Variants in PEX5L observed in about 807,000 individuals in gnomAD.
PEX5L encodes the protein PEX5-related protein.
PEX5L carries 30 observed loss-of-function variants against 84.0 expected under a neutral mutation model. The ratio of observed to expected loss-of-function variants is 0.36; its 90% CI spans 0.27 to 0.48. PEX5L has a LOEUF of 0.48. PEX5L is among the 20% of genes least tolerant of loss of function. PEX5L has a pLI of 0.99. For synonymous variants in PEX5L, 270 were observed against 283.1 expected, an observed-to-expected ratio of 0.95 and a Z score of 0.46; for missense variants, 533 against 754.6, an observed-to-expected ratio of 0.71 and a Z score of 3.44.
chr3:179,904,610 A>G (rs80296242), intron 2 of PEX5L, among the ~76,000 whole-genome samples: 4,009 of 152,228 alleles, frequency 0.026, 82 homozygotes, highest in Non-Finnish European at 0.039. Flanking sequence ...ATCATATTCT[A>G]TTACTACATT....
intron 1 of PEX5L, among the ~76,000 whole-genome samples, chr3:179,997,143 C>T (rs781473959): frequency 6.6e-6 from 1 of 152,148 alleles, no homozygotes; most frequent in Non-Finnish European, 1.5e-5. Context: ...TAATCTTTCT[C>T]CTATCCTTCC....
intron 2 of PEX5L, among the ~76,000 whole-genome samples, chr3:179,958,471 C>A (rs1162872502): frequency 6.6e-6 from 1 of 152,128 alleles, no homozygotes; most frequent in Non-Finnish European, 1.5e-5. Flanking sequence ...GAGTAATATA[C>A]AAAAAGTCTT....
At chr3:179,901,157 A>C (rs1331027591) in intron 2 of PEX5L, among the ~76,000 whole-genome samples, 2 of 152,186 alleles carry the variant, frequency 1.3e-5, no homozygotes, top group African/African-American at 4.8e-5. Context: ...ATAACTGTGC[A>C]GGTTTCTTTC....
chr3:179,979,288 T>C (rs1280389421), intron 1 of PEX5L, among the ~76,000 whole-genome samples: 1 of 152,128 alleles, frequency 6.6e-6, no homozygotes, highest in Non-Finnish European at 1.5e-5. Context: ...AAACAGAAAA[T>C]TGAGTCCAGT....
chr3:179,990,571 A>T lies in PEX5L; in HGVS notation c.22-18906T>A, dbSNP rs187953408. Among the ~76,000 whole-genome samples, 435 of 152,084 alleles carry T rather than the reference A, an allele frequency of 2.9e-3. 4 individuals are homozygous for T. Among genetic ancestry groups the T allele is most frequent in the African/African-American group, 9.6e-3 (399 of 41,498 alleles). ...ACAGCACCACACCAAACTATTTTTT[A>T]AAAAAATATTTTGTAGAGATAAGGT... On this transcript the variant is annotated intron_variant, in intron 1 of 14. Coordinates refer to ENST00000467460, the MANE Select transcript of PEX5L (RefSeq NM_016559.3).
At chr3:179,986,392 T>C (rs1786819728) in intron 1 of PEX5L, among the ~76,000 whole-genome samples, 1 of 144,314 alleles carries the variant, frequency 6.9e-6, no homozygotes, top group African/African-American at 2.6e-5. Context: ...CCTAACCATT[T>C]AGTAATTTTT....
At chr3:179,930,390 T>C (rs1363657595) in intron 2 of PEX5L, among the ~76,000 whole-genome samples, 1 of 152,198 alleles carries the variant, frequency 6.6e-6, no homozygotes, top group African/African-American at 2.4e-5. Context: ...AAATTCCAAC[T>C]TCCTGGGATG....
chr3:179,973,614 T>G, intron 1 of PEX5L: 2 of 985,274 alleles, frequency 2.0e-6, no homozygotes, highest in Non-Finnish European at 2.4e-6. Context: ...CTTTTTAATC[T>G]CCTATTCTAA....
chr3:179,966,111 G>C (rs777426528), intron 2 of PEX5L, among the ~76,000 whole-genome samples: 6 of 151,920 alleles, frequency 3.9e-5, no homozygotes, highest in Non-Finnish European at 7.4e-5. Flanking sequence ...ATTTTTCATC[G>C]ATCAATCTTT....
chr3:180,033,998 T>G (rs1300278790), intron 1 of PEX5L, among the ~76,000 whole-genome samples: 1 of 152,216 alleles, frequency 6.6e-6, no homozygotes, highest in African/African-American at 2.4e-5. Context: ...TGAATTCAGA[T>G]TCTACCATAA....
intron 2 of PEX5L, among the ~76,000 whole-genome samples, chr3:179,936,601 T>G (rs1774700918): frequency 2.7e-5 from 1 of 36,802 alleles, no homozygotes; most frequent in African/African-American, 1.0e-4. Flanking sequence ...AACCTTCAAT[T>G]TGTAAAGGAA....
rs1245211761 is a variant in PEX5L at position 179,886,209 on chromosome 3, TTATCTG to T, written c.310+1458_310+1463del. On this transcript the variant is annotated intron_variant, in intron 4 of 14. Coordinates refer to ENST00000467460, the MANE Select transcript of PEX5L (RefSeq NM_016559.3). The stretch of plus-strand genomic sequence containing the variant: ...TTCACCTGCAATTGGACATACAAGG[TTATCTG>T]TATTTTCCTGGGGTAGTTCTCGAGT... 2.6e-5 allele frequency among the ~76,000 whole-genome samples: 4 copies of T among 152,288 alleles called. 1 individual carries two copies. The highest frequency in any genetic ancestry group is 6.8e-3 in the Middle Eastern group (2 of 294).
intron 7 of PEX5L, among the ~76,000 whole-genome samples, chr3:179,860,564 C>T (rs1011955731): frequency 6.6e-6 from 1 of 152,192 alleles, no homozygotes; most frequent in Non-Finnish European, 1.5e-5. Context: ...GTTTGAAAAC[C>T]ACTGTTCTAC....
At position 180,016,885 on chromosome 3, in the gene PEX5L, A is replaced by T. The variant is rs191735780; in HGVS notation, c.21+19694T>A. 1.2e-4 allele frequency among the ~76,000 whole-genome samples: 19 copies of T among 152,350 alleles called. 1 individual carries two copies. In the East Asian group the frequency reaches 3.7e-3, roughly 29 times the overall value. ...ATTTGCTTTGTCAATAAACATACTTAATTCCACAGGAATCCTAAAGAACAG... is the reference window on the plus strand; with the variant it reads ...ATTTGCTTTGTCAATAAACATACTTTATTCCACAGGAATCCTAAAGAACAG... On this transcript the variant is annotated intron_variant, in intron 1 of 14. Transcript: ENST00000467460.
intron 8 of PEX5L, among the ~76,000 whole-genome samples, chr3:179,851,707 T>C (rs1741966470): frequency 6.6e-6 from 1 of 152,118 alleles, no homozygotes; most frequent in African/African-American, 2.4e-5. Context: ...TCAATGAAGA[T>C]TGTCATGAAG....
intron 1 of PEX5L, among the ~76,000 whole-genome samples, chr3:179,976,178 C>T (rs988397757): frequency 1.3e-5 from 2 of 152,084 alleles, no homozygotes; most frequent in South Asian, 2.1e-4. Context: ...GGAGTGGTCA[C>T]GATGCAGGTG....
Position 179,875,457 on chromosome 3 carries a change from T to C in PEX5L, c.526A>G (p.Lys176Glu). 1.2e-6 allele frequency: 2 copies of C among 1,614,014 alleles called. No homozygotes were observed. The highest frequency in any genetic ancestry group is 1.7e-6 in the Non-Finnish European group (2 of 1,179,992). ...CCATGAAACTTAACATCGTCCCATT[T>C]TTCCAGTTGTGTTTGAATGTCTAGT... ...LDLDIQTQLE[K>E]WDDVKFHGDR... The change falls in exon 6 of 15, where the codon AAA becomes GAA. Residue 176 changes from lysine to glutamate, a missense_variant. Around this residue, in one of 8 missense-constraint regions of PEX5L, gnomAD observed 259 missense variants for 301.7 expected, o/e 0.86. Transcript: ENST00000467460.
At chr3:179,942,046 A>G (rs942738157) in intron 2 of PEX5L, among the ~76,000 whole-genome samples, 23 of 151,572 alleles carry the variant, frequency 1.5e-4, no homozygotes, top group Non-Finnish European at 3.1e-4. Context: ...AGAAGAAAAG[A>G]AAAGATTATC....
intron 2 of PEX5L, among the ~76,000 whole-genome samples, chr3:179,916,700 C>T (rs1463678356): frequency 1.3e-5 from 2 of 152,108 alleles, no homozygotes; most frequent in African/African-American, 2.4e-5. Context: ...GACAGCGTCT[C>T]GTTTTGTCAC....
Sources: gnomAD v4.1 joint callset for allele counts (sites outside exome capture counted in the v4.1 genomes callset) on GRCh38, gnomAD v4.1.1 for gene constraint, gnomAD v4.1.1 regional missense constraint, MANE v1.5 for transcripts, NCBI Gene and HGNC (gene_info 2026-07-23, HGNC 2026-07-21) for gene names.